The following SPOPL variants were observed in gnomAD, a reference collection of about 807,000 sequenced individuals.
SPOPL encodes the protein speckle type BTB/POZ protein like.
SPOPL carries 23 observed loss-of-function variants against 53.8 expected under a neutral mutation model. The ratio of observed to expected loss-of-function variants is 0.43; its 90% CI spans 0.31 to 0.61. The LOEUF is 0.61. SPOPL is among the 20% of genes least tolerant of loss of function. The pLI, the probability that SPOPL is intolerant of heterozygous loss-of-function variation, is 0.12. For missense variants in SPOPL, 442 were observed against 466.9 expected (o/e 0.95, Z 0.49); for synonymous variants, 164 against 149.7 (o/e 1.10, Z -0.70).
At chr2:138,564,634 A>G in intron 8 of SPOPL, 74 bp from the exon 9 acceptor site, 2 of 1,512,262 alleles carry the variant, frequency 1.3e-6, no homozygotes, top group East Asian at 2.3e-5. Flanking sequence ...TTATTTTCCA[A>G]GTTGCAAATG....
chr2:138,521,617 C>T (rs1229398937), intron 1 of SPOPL, among the ~76,000 whole-genome samples: 4 of 152,040 alleles, frequency 2.6e-5, no homozygotes, highest in Non-Finnish European at 5.9e-5. Flanking sequence ...TAAACAGAGG[C>T]TCTAAATCTT....
chr2:138,525,777 G>A (rs1164409202), intron 1 of SPOPL, among the ~76,000 whole-genome samples: 1 of 151,592 alleles, frequency 6.6e-6, no homozygotes, highest in African/African-American at 2.4e-5. Context: ...GGTTGAGGCT[G>A]CAGTGAGCCT....
chr2:138,564,615 A>G (rs1685619092), intron 8 of SPOPL, 93 bp from the exon 9 acceptor site: 2 of 1,372,516 alleles, frequency 1.5e-6, no homozygotes, highest in South Asian at 1.4e-5. Flanking sequence ...ATAATAATCT[A>G]TTTTACCCTT....
intron 5 of SPOPL, among the ~76,000 whole-genome samples, chr2:138,553,987 G>A (rs1685366864): frequency 6.6e-6 from 1 of 151,246 alleles, no homozygotes; most frequent in South Asian, 2.1e-4. Context: ...GATCTTAAAG[G>A]CTATTTAATC....
intron 1 of SPOPL, among the ~76,000 whole-genome samples, chr2:138,544,624 C>T (rs1384267431): frequency 6.6e-6 from 1 of 152,200 alleles, no homozygotes; most frequent in Non-Finnish European, 1.5e-5. Flanking sequence ...TTTCCAGGTG[C>T]CCTCTGTCAC....
chr2:138,514,657 AT>A (rs1684401328), intron 1 of SPOPL, among the ~76,000 whole-genome samples: 2 of 152,118 alleles, frequency 1.3e-5, no homozygotes, highest in Non-Finnish European at 2.9e-5. Flanking sequence ...TCCCTGTAAA[AT>A]ATCCTTGTAT....
At chr2:138,539,969 GC>G (rs1430989337) in intron 1 of SPOPL, among the ~76,000 whole-genome samples, 1 of 152,184 alleles carries the variant, frequency 6.6e-6, no homozygotes, top group Admixed American at 6.5e-5. Flanking sequence ...CATATGGCTA[GC>G]CAGTTTTCCC....
intron 1 of SPOPL, among the ~76,000 whole-genome samples, chr2:138,540,343 G>C (rs1334321002): frequency 1.3e-5 from 2 of 152,132 alleles, no homozygotes; most frequent in African/African-American, 4.8e-5. Flanking sequence ...TGGCAGTATG[G>C]CCATTTTCAC....
chr2:138,552,669 A>G lies in SPOPL; in HGVS notation c.468A>G (p.Thr156=). 1 of 1,612,156 alleles carries G rather than the reference A, an allele frequency of 6.2e-7. No individual in the cohort carries two copies. Among genetic ancestry groups the G allele is most frequent in the Non-Finnish European group, 8.5e-7 (1 of 1,178,994 alleles). ...GTCTTTTACCAGATGACAAGCTTAC[A>G]TTATTTTGTGAGGTGGGTACATCTT... ...ANGLLPDDKL[T]LFCEVSVVQD... is the part of the protein sequence containing the mutation. The change falls in exon 5 of 11, where the codon ACA becomes ACG. Residue 156 remains threonine (T), a synonymous_variant. Transcript: ENST00000280098.
At chr2:138,547,005 G>T (rs1685209998) in intron 1 of SPOPL, among the ~76,000 whole-genome samples, 1 of 152,014 alleles carries the variant, frequency 6.6e-6, no homozygotes, top group Non-Finnish European at 1.5e-5. Context: ...TCACTCTGTT[G>T]CCCAGGCTGG....
chr2:138,504,759 T>TA (rs1474058877), intron 1 of SPOPL, among the ~76,000 whole-genome samples: 1 of 152,202 alleles, frequency 6.6e-6, no homozygotes, highest in Admixed American at 6.5e-5. Flanking sequence ...AAGCAGTAGT[T>TA]ACTCCAGTTT....
chr2:138,557,043 C>G (rs1016071934), intron 5 of SPOPL, among the ~76,000 whole-genome samples: 2 of 152,040 alleles, frequency 1.3e-5, no homozygotes, highest in East Asian at 1.9e-4. Context: ...GTAGTCCCAG[C>G]TACTCGGGAG....
At chr2:138,513,705 G>A (rs1272429752) in intron 1 of SPOPL, among the ~76,000 whole-genome samples, 1 of 146,882 alleles carries the variant, frequency 6.8e-6, no homozygotes, top group African/African-American at 2.5e-5. Context: ...TTGTCACTGC[G>A]CTCCAGCCTA....
At chr2:138,541,804 T>C (rs138070462) in intron 1 of SPOPL, among the ~76,000 whole-genome samples, 1,646 of 152,276 alleles carry the variant, frequency 0.011, 30 homozygotes, top group African/African-American at 0.037. Flanking sequence ...GCTCTTGCTT[T>C]TCTAGTTCTT....
intron 1 of SPOPL, among the ~76,000 whole-genome samples, chr2:138,538,682 A>T (rs1684991793): frequency 6.6e-6 from 1 of 151,240 alleles, no homozygotes; most frequent in Non-Finnish European, 1.5e-5. Context: ...ACTCTGCCTT[A>T]GTCTTCACTT....
intron 1 of SPOPL, among the ~76,000 whole-genome samples, chr2:138,545,768 G>A (rs2104887396): frequency 6.6e-6 from 1 of 152,240 alleles, no homozygotes; most frequent in South Asian, 2.1e-4. Flanking sequence ...CAGTTCCAGA[G>A]TTTCAAACAA....
At chr2:138,552,079 G>A (rs1344920970) in intron 4 of SPOPL, among the ~76,000 whole-genome samples, 4 of 151,932 alleles carry the variant, frequency 2.6e-5, no homozygotes, top group Non-Finnish European at 5.9e-5. Flanking sequence ...TAAAAAATCG[G>A]TGGGATGGGT....
At chr2:138,564,502 G>A (rs1685617125) in intron 8 of SPOPL, 2 of 515,962 alleles carry the variant, frequency 3.9e-6, no homozygotes, top group South Asian at 7.5e-5. Context: ...TATGCAAATT[G>A]CAGTTTCCTA....
intron 1 of SPOPL, among the ~76,000 whole-genome samples, chr2:138,545,524 C>G (rs184526809): frequency 6.6e-6 from 1 of 151,940 alleles, no homozygotes; most frequent in East Asian, 1.9e-4. Context: ...AACTCTGCCT[C>G]CCGGGTTCAC....
Sources: gnomAD v4.1 joint callset for allele counts (sites outside exome capture counted in the v4.1 genomes callset) on GRCh38, gnomAD v4.1.1 for gene constraint, MANE v1.5 for transcripts, NCBI Gene and HGNC (gene_info 2026-07-23, HGNC 2026-07-21) for gene names.